Variants in GTF2A1L observed in about 807,000 individuals in gnomAD.
GTF2A1L encodes the protein general transcription factor IIA subunit 1 like, also known as TFIIA-alpha and beta-like factor.
GTF2A1L carries 48 observed loss-of-function variants against 49.7 expected under a neutral mutation model. The observed-to-expected ratio is 0.97, with a 90% CI of 0.77 to 1.23. The LOEUF (loss-of-function observed/expected upper bound fraction) is 1.23, where lower values mean the gene tolerates loss of function less well. Among genes scored for constraint, GTF2A1L ranks in the 50% most tolerant of loss-of-function variants. The pLI is 0.00. For missense variants in GTF2A1L, 736 were observed against 564.8 expected (o/e 1.30, Z -3.07); for synonymous variants, 246 against 193.5 (o/e 1.27, Z -2.25).
intron 6 of GTF2A1L, among the ~76,000 whole-genome samples, chr2:48,666,919 T>A (rs1422484588): frequency 6.6e-6 from 1 of 152,084 alleles, no homozygotes; most frequent in Non-Finnish European, 1.5e-5. Context: ...TGAGTCTGGT[T>A]CTCTTGATTG....
At chr2:48,666,362 C>T (rs981636422) in intron 6 of GTF2A1L, among the ~76,000 whole-genome samples, 3 of 152,028 alleles carry the variant, frequency 2.0e-5, no homozygotes, top group South Asian at 2.1e-4. Flanking sequence ...TGTGCCACCA[C>T]GCCCAGCTAA....
intron 6 of GTF2A1L, among the ~76,000 whole-genome samples, chr2:48,664,094 TA>T (rs895473029): frequency 5.3e-5 from 8 of 151,132 alleles, no homozygotes; most frequent in African/African-American, 1.2e-4. Flanking sequence ...TTTTGATGAA[TA>T]AAAAAAAATA....
Position 48,621,312 on chromosome 2 carries a change from A to T in GTF2A1L, c.247+22A>T, listed in dbSNP as rs750296673. On this transcript the variant is annotated intron_variant, in intron 3 of 8. Coordinates refer to ENST00000403751, the MANE Select transcript of GTF2A1L (RefSeq NM_006872.5). ...ACAGGTTGGATACCATTAGTAAATG[A>T]GTACTGTTAGTATCTTCAGAACAAA... The T allele has an allele frequency of 4.3e-6, 7 of 1,613,758 alleles. No individual in the cohort carries two copies. In the African/African-American group the frequency reaches 8.0e-5, roughly 18 times the overall value.
At chr2:48,649,002 G>C (rs1677696493) in intron 6 of GTF2A1L, among the ~76,000 whole-genome samples, 1 of 152,094 alleles carries the variant, frequency 6.6e-6, no homozygotes, top group African/African-American at 2.4e-5. Context: ...TTCCTGTGTT[G>C]TAAACTACTG....
At chr2:48,673,746 A>G (rs1264898049) in intron 8 of GTF2A1L, among the ~76,000 whole-genome samples, 2 of 152,196 alleles carry the variant, frequency 1.3e-5, no homozygotes. Context: ...AAAAAAGGAT[A>G]TGATCTAATG....
chr2:48,617,900 G>A lies in GTF2A1L; in HGVS notation c.21+5G>A, dbSNP rs1675750001. On this transcript the variant is annotated splice_donor_5th_base_variant and intron_variant, in intron 1 of 8. Transcript: ENST00000403751. ...ATGGCCTGCCTCAACCCGGTGGTAAGGAAGACCTCAGGCTCTGTGTAGAGG... is the reference window on the plus strand; with the variant it reads ...ATGGCCTGCCTCAACCCGGTGGTAAAGAAGACCTCAGGCTCTGTGTAGAGG... The A allele has an allele frequency of 6.4e-7, 1 of 1,551,720 alleles. No homozygotes were observed. The highest frequency in any genetic ancestry group is 8.7e-7 in the Non-Finnish European group (1 of 1,147,052).
At chr2:48,673,196 C>G (rs1236889040) in intron 8 of GTF2A1L, among the ~76,000 whole-genome samples, 3 of 151,912 alleles carry the variant, frequency 2.0e-5, no homozygotes, top group Non-Finnish European at 1.5e-5. Flanking sequence ...TTCCGTTTGT[C>G]TTTTGAGGGA....
At chr2:48,666,584 G>GGT (rs113492704) in intron 6 of GTF2A1L, among the ~76,000 whole-genome samples, 68,115 of 146,944 alleles carry the variant, frequency 0.46, 16,077 homozygotes, top group South Asian at 0.64. Context: ...AACTTGTCAG[G>GGT]GTGTGTGTGT....
chr2:48,624,751 C>G lies in GTF2A1L; in HGVS notation c.247+3461C>G, dbSNP rs1332942301. ...GTAACTGCTATTTTATTCTCTATGT[C>G]TGTATTTGTGGTTTTTTTTTTTTAA... On this transcript the variant is annotated intron_variant, in intron 3 of 8. Coordinates refer to ENST00000403751, the MANE Select transcript of GTF2A1L (RefSeq NM_006872.5). Among the ~76,000 whole-genome samples, 3 of 58,956 alleles carry G rather than the reference C, an allele frequency of 5.1e-5. 1 individual carries two copies. In the Admixed American group the frequency reaches 7.0e-4, roughly 14 times the overall value. 38.7% of individuals were successfully genotyped at this position (58,956 alleles called of 152,430 possible).
intron 3 of GTF2A1L, among the ~76,000 whole-genome samples, chr2:48,627,563 G>T: frequency 1.4e-5 from 2 of 143,714 alleles, no homozygotes; most frequent in East Asian, 2.0e-4. Flanking sequence ...TTTATCATTG[G>T]CAAATACATG....
In GTF2A1L at chr2:48,663,752, G is replaced by T. The variant is rs540590865; in HGVS notation, c.979-5970G>T. On this transcript the variant is annotated intron_variant, in intron 6 of 8. Transcript: ENST00000403751. ...TCTCCCAGGCTCAAGTGATTCTCCT[G>T]CCTCAGCCTCCTGAGTAGCTGGGAC... Among the ~76,000 whole-genome samples, 17 of 152,128 alleles carry T rather than the reference G, an allele frequency of 1.1e-4. No homozygotes were observed. In the South Asian group the frequency reaches 3.1e-3, roughly 28 times the overall value.
chr2:48,625,928 A>G (rs1676265851), intron 3 of GTF2A1L, among the ~76,000 whole-genome samples: 1 of 144,020 alleles, frequency 6.9e-6, no homozygotes, highest in African/African-American at 2.5e-5. Flanking sequence ...GTGATATCCA[A>G]AAAATCATTG....
chr2:48,663,270 T>A (rs1353655489), intron 6 of GTF2A1L, among the ~76,000 whole-genome samples: 1 of 151,748 alleles, frequency 6.6e-6, no homozygotes, highest in East Asian at 1.9e-4. Flanking sequence ...CCCATCAATA[T>A]AAAAAATACA....
chr2:48,666,904 G>C (rs1336056185), intron 6 of GTF2A1L, among the ~76,000 whole-genome samples: 3 of 151,506 alleles, frequency 2.0e-5, no homozygotes, highest in Non-Finnish European at 4.4e-5. Flanking sequence ...ATTTCTAACT[G>C]TCTCTGAGTC....
intron 3 of GTF2A1L, among the ~76,000 whole-genome samples, chr2:48,626,389 T>A (rs1432498351): frequency 2.8e-5 from 4 of 144,302 alleles, no homozygotes; most frequent in East Asian, 1.9e-4. Context: ...AATTTTAGAC[T>A]TTTTTTTGTA....
At chr2:48,651,645 C>T (rs1364818797) in intron 6 of GTF2A1L, among the ~76,000 whole-genome samples, 1 of 152,058 alleles carries the variant, frequency 6.6e-6, no homozygotes, top group Non-Finnish European at 1.5e-5. Context: ...AAAGAAGTCT[C>T]ATCTGCTGAC....
At chr2:48,651,397 G>A (rs1677837777) in intron 6 of GTF2A1L, among the ~76,000 whole-genome samples, 1 of 146,814 alleles carries the variant, frequency 6.8e-6, no homozygotes, top group South Asian at 2.1e-4. Context: ...ATCATTATTT[G>A]TACATTGATA....
intron 3 of GTF2A1L, among the ~76,000 whole-genome samples, chr2:48,621,751 A>G (rs1251646394): frequency 2.0e-5 from 3 of 152,198 alleles, no homozygotes; most frequent in Non-Finnish European, 4.4e-5. Flanking sequence ...AGGCTACCTC[A>G]CTGTTTTGGA....
At chr2:48,636,310 C>G (rs987727833) in intron 3 of GTF2A1L, among the ~76,000 whole-genome samples, 1 of 152,088 alleles carries the variant, frequency 6.6e-6, no homozygotes, top group Non-Finnish European at 1.5e-5. Flanking sequence ...TATTTCATCT[C>G]GTAAAATATT....
Sources: gnomAD v4.1 joint callset for allele counts (sites outside exome capture counted in the v4.1 genomes callset) on GRCh38, gnomAD v4.1.1 for gene constraint, MANE v1.5 for transcripts, NCBI Gene and HGNC (gene_info 2026-07-23, HGNC 2026-07-21) for gene names.